TAOK1: variants seen among roughly 807,000 people sequenced by gnomAD.
The protein encoded by TAOK1 is TAO kinase 1.
In TAOK1, 21 loss-of-function variants were observed where a neutral mutation model predicts 138.3. That is an observed-to-expected ratio of 0.15 (90% CI 0.11 to 0.22). The LOEUF (loss-of-function observed/expected upper bound fraction) is 0.22, where lower values mean the gene tolerates loss of function less well. TAOK1 is among the 10% of genes least tolerant of loss of function. The pLI, the probability that TAOK1 is intolerant of heterozygous loss-of-function variation, is 1.00. For synonymous variants in TAOK1, 361 were observed against 398.4 expected, an observed-to-expected ratio of 0.91 and a Z score of 1.12; for missense variants, 651 against 1,227.7, an observed-to-expected ratio of 0.53 and a Z score of 7.02.
At chr17:29,396,088 T>C (rs1247210251) in intron 1 of TAOK1, among the ~76,000 whole-genome samples, 3 of 152,138 alleles carry the variant, frequency 2.0e-5, no homozygotes, top group African/African-American at 7.2e-5. Context: ...TATTTTAGTT[T>C]TTAGTAATAA....
intron 3 of TAOK1, among the ~76,000 whole-genome samples, chr17:29,471,589 T>C (rs983430161): frequency 6.6e-6 from 1 of 152,090 alleles, no homozygotes; most frequent in Non-Finnish European, 1.5e-5. Flanking sequence ...AAATATTTTA[T>C]TTCTAAAAAA....
At chr17:29,460,443 G>C (rs934302755) in intron 2 of TAOK1, among the ~76,000 whole-genome samples, 1 of 152,178 alleles carries the variant, frequency 6.6e-6, no homozygotes, top group Non-Finnish European at 1.5e-5. Context: ...ACCCGCCTCG[G>C]CCTCCCAAAG....
chr17:29,470,725 G>A (rs571357071), intron 3 of TAOK1, among the ~76,000 whole-genome samples: 3 of 152,178 alleles, frequency 2.0e-5, no homozygotes, highest in African/African-American at 7.2e-5. Flanking sequence ...GTAAACTATA[G>A]GCATGACTTG....
intron 1 of TAOK1, among the ~76,000 whole-genome samples, chr17:29,445,088 G>A (rs536598762): frequency 6.6e-6 from 1 of 152,076 alleles, no homozygotes; most frequent in South Asian, 2.1e-4. Flanking sequence ...GATTAGAGTG[G>A]ATATCATTGC....
intron 1 of TAOK1, among the ~76,000 whole-genome samples, chr17:29,392,152 G>A (rs1904453207): frequency 2.6e-5 from 4 of 152,086 alleles, no homozygotes; most frequent in Admixed American, 1.3e-4. Flanking sequence ...GGAGGCGGAG[G>A]TTGCAGTGAG....
Position 29,480,495 on chromosome 17 carries a change from AAGCAGTCAGC to A in TAOK1, c.563+18_563+27del. ...AACGCCGTATTGGTAAGAATAGTTA[AAGCAGTCAGC>A]AGCTGTTTTAAGTGTCTGTCTATGT... is the stretch of plus-strand genomic sequence containing the variant. On this transcript the variant is annotated intron_variant, in intron 7 of 19. Transcript: ENST00000261716. 2 of 1,599,804 alleles carry A rather than the reference AAGCAGTCAGC, an allele frequency of 1.3e-6. No homozygotes were observed. The highest frequency in any genetic ancestry group is 1.7e-6 in the Non-Finnish European group (2 of 1,168,664).
intron 1 of TAOK1, among the ~76,000 whole-genome samples, chr17:29,407,615 T>G (rs893587930): frequency 3.3e-5 from 5 of 151,254 alleles, no homozygotes; most frequent in African/African-American, 1.2e-4. Context: ...CCTGGCTAAT[T>G]TTTTTATTTT....
chr17:29,421,394 GT>G (rs1423159503), intron 1 of TAOK1, among the ~76,000 whole-genome samples: 4 of 152,116 alleles, frequency 2.6e-5, no homozygotes, highest in Non-Finnish European at 5.9e-5. Flanking sequence ...CTGGTTTATA[GT>G]TTTCTTGTTG....
intron 1 of TAOK1, among the ~76,000 whole-genome samples, chr17:29,423,914 T>A (rs1455468365): frequency 6.6e-6 from 1 of 151,644 alleles, no homozygotes; most frequent in Non-Finnish European, 1.5e-5. Context: ...CCAGGCGTGG[T>A]AGTGGACGCC....
chr17:29,500,765 T>A (rs1764838189), intron 12 of TAOK1, among the ~76,000 whole-genome samples: 1 of 152,140 alleles, frequency 6.6e-6, no homozygotes, highest in East Asian at 1.9e-4. Context: ...CTGTGGTTTT[T>A]ACATCCAGTA....
intron 1 of TAOK1, among the ~76,000 whole-genome samples, chr17:29,447,219 C>T (rs189851100): frequency 3.4e-4 from 51 of 151,902 alleles, no homozygotes; most frequent in African/African-American, 1.1e-3. Flanking sequence ...TCTGGCTTCC[C>T]CCGTTTTTAG....
intron 3 of TAOK1, among the ~76,000 whole-genome samples, chr17:29,470,613 GGTT>G (rs2030792119): frequency 6.6e-6 from 1 of 152,192 alleles, no homozygotes; most frequent in Admixed American, 6.5e-5. Context: ...ATTGGTGTAT[GGTT>G]GTAAAATTTT....
intron 15 of TAOK1, 106 bp downstream of exon 15, chr17:29,511,098 T>C (rs1199031266): frequency 1.8e-6 from 2 of 1,115,662 alleles, no homozygotes; most frequent in African/African-American, 1.6e-5. Flanking sequence ...TTGTTGTTTA[T>C]GGTCACTAAA....
chr17:29,495,610 T>G lies in TAOK1; in HGVS notation c.882T>G (p.Ile294Met), dbSNP rs748052340. The change falls in exon 11 of 20, where the codon ATT (isoleucine) becomes ATG (methionine). Residue 294 changes from isoleucine (I) to methionine (M), a missense_variant. This residue lies in a region of TAOK1 where 3 missense variants were observed against 26.1 expected (regional missense o/e 0.12). Coordinates refer to ENST00000261716, the MANE Select transcript of TAOK1 (RefSeq NM_020791.4). ...CTGAAACCGTGTTAATAGATCTCAT[T>G]CAGAGGACAAAGGATGCAGTAAGAG... The part of the protein sequence containing the change: ...ERPETVLIDL[I>M]QRTKDAVREL... 1 of 1,611,834 alleles carries G rather than the reference T, an allele frequency of 6.2e-7. No homozygotes were observed. Among genetic ancestry groups the G allele is most frequent in the South Asian group, 1.1e-5 (1 of 90,718 alleles).
At chr17:29,397,627 T>TACATGTATATTCATGTATG (rs1555555323) in intron 1 of TAOK1, among the ~76,000 whole-genome samples, 1 of 44,746 alleles carries the variant, frequency 2.2e-5, no homozygotes, top group African/African-American at 1.4e-4. Context: ...TATATATATA[T>TACATGTATATTCATGTATG]ATACATGTAT....
chr17:29,535,471 T>C (rs561793210), intron 19 of TAOK1, among the ~76,000 whole-genome samples: 2 of 152,348 alleles, frequency 1.3e-5, no homozygotes, highest in East Asian at 3.9e-4. Flanking sequence ...CTTCCTAAAG[T>C]TGTCATTGTT....
At position 29,470,505 on chromosome 17, in the gene TAOK1, T is replaced by C. The variant is rs551177569; in HGVS notation, c.204+3289T>C. ...CCAAAAACACAACAGGTGAACTTTA[T>C]GGTATATAAATTATATATCAATAAA... On this transcript the variant is annotated intron_variant, in intron 3 of 19. Coordinates refer to ENST00000261716, the MANE Select transcript of TAOK1 (RefSeq NM_020791.4). 8.6e-5 allele frequency among the ~76,000 whole-genome samples: 13 copies of C among 151,330 alleles called. No homozygotes were observed. The South Asian group carries it at 2.7e-3, about 32-fold the overall frequency.
chr17:29,528,276 G>A (rs1644974216), intron 17 of TAOK1, among the ~76,000 whole-genome samples: 1 of 152,048 alleles, frequency 6.6e-6, no homozygotes, highest in African/African-American at 2.4e-5. Context: ...TCTCAAACTC[G>A]ACCTCAAATG....
chr17:29,416,845 GTTTA>G (rs1905276005), intron 1 of TAOK1, among the ~76,000 whole-genome samples: 1 of 151,866 alleles, frequency 6.6e-6, no homozygotes, highest in Non-Finnish European at 1.5e-5. Context: ...ATATCTTTTA[GTTTA>G]TTTAGTCAAT....
Sources: allele counts gnomAD v4.1 joint callset (sites outside exome capture counted in the v4.1 genomes callset), GRCh38; gene constraint gnomAD v4.1.1; regional missense constraint gnomAD v4.1.1; transcripts MANE v1.5; gene names NCBI Gene and HGNC (gene_info 2026-07-23, HGNC 2026-07-21).